The following PAM16 variants were observed in gnomAD, a reference collection of about 807,000 sequenced individuals.
The protein encoded by PAM16 is mitochondrial import inner membrane translocase subunit TIM16.
PAM16 carries 11 observed loss-of-function variants against 17.9 expected under a neutral mutation model. The ratio of observed to expected loss-of-function variants is 0.62; its 90% CI spans 0.39 to 1.02. The LOEUF is 1.02. Among genes scored for constraint, PAM16 ranks in the 50% least tolerant of loss-of-function variants. The pLI is 0.01. For synonymous variants in PAM16, 72 were observed against 67.4 expected (o/e 1.07, Z -0.34); for missense variants, 199 against 165.4 (o/e 1.20, Z -1.11).
In PAM16 at chr16:4,340,945, C is replaced by T; in HGVS notation, c.266G>A (p.Gly89Asp). The change falls in exon 4 of 5, where the codon GGT becomes GAT. Residue 89 changes from glycine (G) to aspartate (D), a missense_variant. By Grantham distance (94) the Gly-to-Asp change is moderately conservative. Coordinates refer to ENST00000318059, the MANE Select transcript of PAM16 (RefSeq NM_016069.11). ...CTTTGACTGCAGGTAGAAGGAGCCACCCACGGATTTATCATTCACCTTAAA... is the reference window on the plus strand; with the variant it reads ...CTTTGACTGCAGGTAGAAGGAGCCATCCACGGATTTATCATTCACCTTAAA... ...HLFKVNDKSV[G>D]GSFYLQSKVV... 2 of 1,613,692 alleles carry T rather than the reference C, an allele frequency of 1.2e-6. No individual in the cohort carries two copies. The highest frequency in any genetic ancestry group is 1.7e-6 in the Non-Finnish European group (2 of 1,179,996).
chr16:4,345,000 T>C (rs1464713332), intron 1 of PAM16, among the ~76,000 whole-genome samples: 3 of 151,946 alleles, frequency 2.0e-5, no homozygotes, highest in African/African-American at 7.3e-5. Context: ...GAGCAGCCAA[T>C]AGCCTAGGCT....
At position 4,340,303 on chromosome 16, in the gene PAM16, G is replaced by A. The variant is rs572639899; in HGVS notation, c.*16C>T. 70 of 1,600,374 alleles carry A rather than the reference G, an allele frequency of 4.4e-5. 1 individual carries two copies. The South Asian group carries it at 6.4e-4, about 15-fold the overall frequency. ...ATAAATTAGAGGCGGCGGGGTGGGC[G>A]GGGGGAGCCGAGCAGTCACGTATGG... On this transcript the variant is annotated 3_prime_UTR_variant, in exon 5 of 5. Transcript: ENST00000318059.
rs1207481441 is a variant in PAM16 at position 4,340,970 on chromosome 16, A to G, written c.241T>C (p.Phe81Leu). ...EEVQKNYEHL[F>L]KVNDKSVGGS... The stretch of plus-strand genomic sequence containing the variant: ...CCCACGGATTTATCATTCACCTTAA[A>G]TAAGTGTTCATAGTTCTGCAGAGGA... Residue 81 changes from phenylalanine (F) to leucine (L), a missense_variant, in exon 4 of 5, where the codon TTT (phenylalanine) becomes CTT (leucine). Coordinates refer to ENST00000318059, the MANE Select transcript of PAM16 (RefSeq NM_016069.11). 13 of 1,613,612 alleles carry G rather than the reference A, an allele frequency of 8.1e-6. No homozygotes were observed. The highest frequency in any genetic ancestry group is 8.5e-6 in the Non-Finnish European group (10 of 1,179,986).
chr16:4,350,234 C>G (rs1180589655), intron 1 of PAM16, among the ~76,000 whole-genome samples: 2 of 151,640 alleles, frequency 1.3e-5, no homozygotes, highest in East Asian at 1.9e-4. Context: ...GGCGCCTCAA[C>G]TTCCCAAGCA....
At chr16:4,350,282 C>T (rs495664) in intron 1 of PAM16, among the ~76,000 whole-genome samples, 62,088 of 150,064 alleles carry the variant, frequency 0.41, 18,893 homozygotes, top group African/African-American at 0.85. Context: ...GCCTGGCTAA[C>T]ATATGTATAT....
In PAM16 at chr16:4,346,417, A is replaced by G. The variant is rs541645672; in HGVS notation, c.4-3126T>C. Among the ~76,000 whole-genome samples, 16 of 152,360 alleles carry G rather than the reference A, an allele frequency of 1.1e-4. No homozygotes were observed. In the South Asian group the frequency reaches 3.3e-3, roughly 32 times the overall value. ...CCTAATGGTACAGCAGGTGCTCAAT[A>G]AACATTGGTTTTCATTCATTACTAC... On this transcript the variant is annotated intron_variant, in intron 1 of 4. Transcript: ENST00000318059.
intron 1 of PAM16, chr16:4,346,050 G>A (rs965450506): frequency 1.1e-6 from 1 of 871,926 alleles, no homozygotes. Flanking sequence ...TCATAACTGG[G>A]GAGCTTCCCC....
chr16:4,343,978 G>A (rs1596250418), intron 1 of PAM16: 1 of 398,106 alleles, frequency 2.5e-6, no homozygotes, highest in African/African-American at 2.1e-5. Context: ...CAGCACTTGA[G>A]CACAAAGCTA....
chr16:4,341,090 C>A, intron 3 of PAM16, 105 bp from the exon 4 acceptor site: 1 of 1,428,132 alleles, frequency 7.0e-7, no homozygotes, highest in Non-Finnish European at 9.8e-7. Flanking sequence ...TCCTCTCCAC[C>A]CTGTGTGCCA....
intron 1 of PAM16, 39 bp from the exon 2 acceptor site, chr16:4,343,330 C>G: frequency 6.4e-7 from 1 of 1,568,230 alleles, no homozygotes; most frequent in South Asian, 1.2e-5. Context: ...AGGCCACTCC[C>G]TGTGGGCCCA....
intron 1 of PAM16, among the ~76,000 whole-genome samples, chr16:4,348,953 CTTTTTTT>C (rs1219395068): frequency 8.8e-6 from 1 of 114,240 alleles, no homozygotes; most frequent in East Asian, 2.7e-4. Flanking sequence ...CTAGCACTTT[CTTTTTTT>C]TTTTTTTTTT....
chr16:4,349,124 T>C (rs2053806805), intron 1 of PAM16, among the ~76,000 whole-genome samples: 1 of 151,908 alleles, frequency 6.6e-6, no homozygotes, highest in African/African-American at 2.4e-5. Context: ...CCCGGCTAAT[T>C]TTTTGTATTT....
At chr16:4,341,816 C>A in intron 2 of PAM16, 1 of 411,720 alleles carries the variant, frequency 2.4e-6, no homozygotes, top group Non-Finnish European at 4.5e-6. Flanking sequence ...AATTGGGGAG[C>A]TTTAGGCTAC....
intron 1 of PAM16, among the ~76,000 whole-genome samples, chr16:4,349,455 C>T (rs2053812527): frequency 6.6e-6 from 1 of 152,188 alleles, no homozygotes; most frequent in African/African-American, 2.4e-5. Context: ...GTTGTCCCAA[C>T]TACCCGGGAG....
intron 2 of PAM16, among the ~76,000 whole-genome samples, chr16:4,342,887 G>C (rs373483192): frequency 6.6e-6 from 1 of 152,148 alleles, no homozygotes; most frequent in African/African-American, 2.4e-5. Flanking sequence ...TGAACCAGGA[G>C]GCAGAGGTTG....
At chr16:4,350,359 T>C (rs1318160464) in intron 1 of PAM16, among the ~76,000 whole-genome samples, 2 of 149,540 alleles carry the variant, frequency 1.3e-5, no homozygotes, top group African/African-American at 4.9e-5. Flanking sequence ...TATAACATAA[T>C]AATATGTAGT....
At chr16:4,348,043 G>A (rs2053784882) in intron 1 of PAM16, 1 of 152,190 alleles carries the variant, frequency 6.6e-6, no homozygotes, top group African/African-American at 2.4e-5. Flanking sequence ...CCAAGCCCCA[G>A]GCTCTGGGTA....
In PAM16 at chr16:4,341,516, T is replaced by C. The variant is rs2053647037; in HGVS notation, c.89-12A>G. The C allele has an allele frequency of 1.2e-6, 2 of 1,603,750 alleles. No homozygotes were observed. The highest frequency in any genetic ancestry group is 1.7e-5 in the Admixed American group (1 of 59,438). On this transcript the variant is annotated splice_polypyrimidine_tract_variant and intron_variant, in intron 2 of 4. Transcript: ENST00000318059. ...TGCGGCCCGGCTGGCTGTGTGGACATGTGGGTGATCGCTCAGTCCTCAGCA... is the reference window on the plus strand; with the variant it reads ...TGCGGCCCGGCTGGCTGTGTGGACACGTGGGTGATCGCTCAGTCCTCAGCA...
chr16:4,344,181 G>A (rs551484203), intron 1 of PAM16: 9 of 370,594 alleles, frequency 2.4e-5, no homozygotes, highest in South Asian at 1.4e-4. Flanking sequence ...GATGGGATTC[G>A]GTGAGAGGAG....
Sources: allele counts gnomAD v4.1 joint callset (sites outside exome capture counted in the v4.1 genomes callset), GRCh38; gene constraint gnomAD v4.1.1; transcripts MANE v1.5; gene names NCBI Gene and HGNC (gene_info 2026-07-23, HGNC 2026-07-21).